TBXAS1: variants seen among roughly 807,000 people sequenced by gnomAD.
TBXAS1 encodes the protein thromboxane A synthase 1, also known as thromboxane-A synthase.
Under a neutral mutation model 60.7 loss-of-function variants are expected in TBXAS1, and 48 were observed. The observed-to-expected ratio is 0.79, with a 90% CI of 0.63 to 1.01. The LOEUF (loss-of-function observed/expected upper bound fraction) is 1.01, where lower values mean the gene tolerates loss of function less well. TBXAS1 is among the 50% of genes least tolerant of loss of function. The pLI is 0.00. For missense variants in TBXAS1, 685 were observed against 686.3 expected (o/e 1.00, Z 0.02); for synonymous variants, 287 against 269.7 (o/e 1.06, Z -0.63).
intron 9 of TBXAS1, among the ~76,000 whole-genome samples, chr7:139,971,355 A>G (rs1811180008): frequency 6.6e-6 from 1 of 152,182 alleles, no homozygotes; most frequent in Non-Finnish European, 1.5e-5. Context: ...AACTCCCAGG[A>G]CACAGGATAC....
Position 139,905,299 on chromosome 7 carries a change from G to A in TBXAS1, c.237-5926G>A, listed in dbSNP as rs1804987876. Among the ~76,000 whole-genome samples, 3 of 152,044 alleles carry A rather than the reference G, an allele frequency of 2.0e-5. No homozygotes were observed. The South Asian group carries it at 6.3e-4, about 32-fold the overall frequency. ...CATTAAGGTATGTCCCTTGTATGCC[G>A]ATTTTGCTGAGAGTTTTAATCATAA... On this transcript the variant is annotated intron_variant, in intron 3 of 12. Transcript: ENST00000448866.
intron 5 of TBXAS1, among the ~76,000 whole-genome samples, chr7:139,946,737 T>C (rs1808754247): frequency 6.6e-6 from 1 of 152,234 alleles, no homozygotes; most frequent in South Asian, 2.1e-4. Context: ...GTGTTTTGCA[T>C]ATTTTGTTTC....
chr7:139,996,273 GTCTC>G (rs1429716380), intron 9 of TBXAS1, among the ~76,000 whole-genome samples: 2 of 151,964 alleles, frequency 1.3e-5, no homozygotes, highest in African/African-American at 4.8e-5. Context: ...GCCATCAATG[GTCTC>G]TCTTAGTCTT....
At chr7:139,981,412 G>A (rs545447253) in intron 9 of TBXAS1, among the ~76,000 whole-genome samples, 5 of 152,300 alleles carry the variant, frequency 3.3e-5, no homozygotes, top group East Asian at 3.9e-4. Context: ...CACCATGCCC[G>A]GCCAGGATGT....
intron 9 of TBXAS1, among the ~76,000 whole-genome samples, chr7:139,972,200 T>A (rs1415122895): frequency 6.6e-6 from 1 of 152,140 alleles, no homozygotes; most frequent in Non-Finnish European, 1.5e-5. Flanking sequence ...CAAAGAGAAG[T>A]CTCTCCCAGG....
intron 1 of TBXAS1, among the ~76,000 whole-genome samples, chr7:139,858,680 A>G (rs1395450975): frequency 6.6e-6 from 1 of 152,088 alleles, no homozygotes; most frequent in Non-Finnish European, 1.5e-5. Context: ...CATGGTTTTG[A>G]ACTATCAGCT....
At chr7:140,018,691 C>G (rs536954371) in intron 12 of TBXAS1, among the ~76,000 whole-genome samples, 7 of 152,352 alleles carry the variant, frequency 4.6e-5, no homozygotes, top group Middle Eastern at 3.4e-3. Context: ...GATGAGGAAT[C>G]AAAGCTCAGA....
intron 3 of TBXAS1, among the ~76,000 whole-genome samples, chr7:139,890,522 A>G (rs1803516848): frequency 6.6e-6 from 1 of 152,062 alleles, no homozygotes; most frequent in Non-Finnish European, 1.5e-5. Flanking sequence ...GCCAGGATGC[A>G]GTCTTTATTT....
intron 4 of TBXAS1, among the ~76,000 whole-genome samples, chr7:139,818,609 C>T (rs1054507471): frequency 6.6e-6 from 1 of 152,200 alleles, no homozygotes; most frequent in South Asian, 2.1e-4. Flanking sequence ...GCTGCCAAAA[C>T]TTAGGATTAT....
intron 3 of TBXAS1, among the ~76,000 whole-genome samples, chr7:139,903,542 C>T (rs1313425453): frequency 6.6e-6 from 1 of 152,056 alleles, no homozygotes; most frequent in Non-Finnish European, 1.5e-5. Flanking sequence ...ACTGGCTGTA[C>T]TAGTTTACAG....
At chr7:140,014,576 TGAGA>T (rs201007370) in intron 10 of TBXAS1, among the ~76,000 whole-genome samples, 28 of 151,916 alleles carry the variant, frequency 1.8e-4, no homozygotes, top group Admixed American at 3.3e-4. Context: ...TGTGTGTGTC[TGAGA>T]GAGAGAGACA....
intron 9 of TBXAS1, among the ~76,000 whole-genome samples, chr7:139,982,114 T>G (rs1382046218): frequency 1.3e-5 from 2 of 152,250 alleles, no homozygotes; most frequent in Non-Finnish European, 2.9e-5. Flanking sequence ...TGGTTAAATT[T>G]GAATCTCAGA....
intron 3 of TBXAS1, among the ~76,000 whole-genome samples, chr7:139,908,069 G>T (rs887566148): frequency 1.3e-5 from 2 of 151,626 alleles, no homozygotes; most frequent in Admixed American, 6.6e-5. Context: ...CTTGTTCGAG[G>T]TTTATCCATT....
chr7:139,968,209 G>A (rs1372144886), intron 9 of TBXAS1, among the ~76,000 whole-genome samples: 1 of 152,186 alleles, frequency 6.6e-6, no homozygotes, highest in African/African-American at 2.4e-5. Context: ...ATCCCATACA[G>A]CCTTGACTGC....
At chr7:139,908,857 A>G (rs1805302528) in intron 3 of TBXAS1, among the ~76,000 whole-genome samples, 1 of 152,178 alleles carries the variant, frequency 6.6e-6, no homozygotes, top group South Asian at 2.1e-4. Flanking sequence ...AAGGGTAAAT[A>G]TGTGAGTGAC....
rs1033188296 is a variant in TBXAS1, at chr7:140,015,758, T to C, written c.1262T>C (p.Leu421Pro). Residue 421 changes from leucine (L) to proline (P), a missense_variant, in exon 11 of 13, where the codon CTG becomes CCG. Coordinates refer to ENST00000448866, the MANE Select transcript of TBXAS1 (RefSeq NM_001061.7). ...TREAAQDCEV[L>P]GQRIPAGAVL... The stretch of plus-strand genomic sequence containing the variant: ...GAGGCAGCTCAGGACTGCGAGGTGC[T>C]GGGGCAGCGCATCCCCGCAGGCGCT... 1.9e-6 allele frequency: 3 copies of C among 1,613,464 alleles called. No homozygotes were observed. The highest frequency in any genetic ancestry group is 2.5e-6 in the Non-Finnish European group (3 of 1,180,036).
intron 9 of TBXAS1, among the ~76,000 whole-genome samples, chr7:139,970,638 A>G (rs1311524540): frequency 6.6e-6 from 1 of 152,236 alleles, no homozygotes; most frequent in Non-Finnish European, 1.5e-5. Flanking sequence ...TCATGATGGC[A>G]TTCACTTTAT....
At chr7:139,859,663 G>C (rs1800831794) in intron 1 of TBXAS1, among the ~76,000 whole-genome samples, 3 of 152,156 alleles carry the variant, frequency 2.0e-5, no homozygotes, top group Admixed American at 6.5e-5. Context: ...AATTATAAAG[G>C]GGCTATACAA....
intron 1 of TBXAS1, among the ~76,000 whole-genome samples, chr7:139,872,018 G>A (rs542225141): frequency 1.1e-4 from 16 of 152,250 alleles, no homozygotes; most frequent in South Asian, 2.1e-4. Flanking sequence ...TTCAGGATTC[G>A]TTGATCTCCA....
Sources: allele counts gnomAD v4.1 joint callset (sites outside exome capture counted in the v4.1 genomes callset), GRCh38; gene constraint gnomAD v4.1.1; transcripts MANE v1.5; gene names NCBI Gene and HGNC (gene_info 2026-07-23, HGNC 2026-07-21).